Variants in ACACA observed in about 807,000 individuals in gnomAD.
ACACA encodes acetyl-CoA carboxylase 1.
A neutral mutation model predicts 296.1 loss-of-function variants in ACACA; 103 were observed. The ratio of observed to expected loss-of-function variants is 0.35; its 90% CI spans 0.30 to 0.41. The LOEUF (loss-of-function observed/expected upper bound fraction) is 0.41, where lower values mean the gene tolerates loss of function less well. Ranked by LOEUF, ACACA falls within the 10% of genes least tolerant of loss-of-function variation. ACACA has a pLI of 1.00. For missense variants in ACACA, 1,554 were observed against 2,989.7 expected (o/e 0.52, Z 11.20); for synonymous variants, 953 against 1,038.6 (o/e 0.92, Z 1.58).
chr17:37,187,586 T>C (rs1363906637), intron 39 of ACACA, among the ~76,000 whole-genome samples: 1 of 152,226 alleles, frequency 6.6e-6, no homozygotes, highest in African/African-American at 2.4e-5. Context: ...TAAAAGGGAA[T>C]TCTCTGTTTC....
chr17:37,393,462 C>A (rs2050965587), intron 1 of ACACA, among the ~76,000 whole-genome samples: 1 of 152,104 alleles, frequency 6.6e-6, no homozygotes, highest in Non-Finnish European at 1.5e-5. Context: ...CCTCACCCAC[C>A]ACTGAATGTC....
At chr17:37,281,802 G>A (rs2082548876) in intron 5 of ACACA, among the ~76,000 whole-genome samples, 1 of 152,198 alleles carries the variant, frequency 6.6e-6, no homozygotes, top group African/African-American at 2.4e-5. Flanking sequence ...GGAGGCGGAG[G>A]TTGCAGTGAG....
intron 10 of ACACA, among the ~76,000 whole-genome samples, chr17:37,270,308 GTCAA>G (rs907663575): frequency 1.1e-4 from 17 of 152,200 alleles, no homozygotes; most frequent in African/African-American, 2.9e-4. Flanking sequence ...GTGAGAAAAA[GTCAA>G]TCAGAGAGCC....
At chr17:37,213,670 C>T (rs1290863661) in intron 29 of ACACA, among the ~76,000 whole-genome samples, 1 of 152,278 alleles carries the variant, frequency 6.6e-6, no homozygotes, top group East Asian at 1.9e-4. Context: ...TAGCATTCCA[C>T]ATCAGTATAG....
chr17:37,391,051 C>T (rs2050861831), intron 1 of ACACA, among the ~76,000 whole-genome samples: 1 of 151,854 alleles, frequency 6.6e-6, no homozygotes, highest in Non-Finnish European at 1.5e-5. Context: ...CCAGCCTGAC[C>T]AACAAGGTGA....
chr17:37,209,399 A>G (rs1357426994), intron 30 of ACACA, among the ~76,000 whole-genome samples: 1 of 152,228 alleles, frequency 6.6e-6, no homozygotes, highest in African/African-American at 2.4e-5. Context: ...CTCCCTCTGA[A>G]GAAGTTAACA....
At chr17:37,151,246 T>C in intron 44 of ACACA, 55 bp downstream of exon 44, 5 of 1,609,750 alleles carry the variant, frequency 3.1e-6, no homozygotes, top group Non-Finnish European at 4.2e-6. Context: ...GAGAAAAAAA[T>C]AAACCTAGCC....
At chr17:37,259,015 A>G (rs1598335588) in intron 12 of ACACA, among the ~76,000 whole-genome samples, 1 of 152,262 alleles carries the variant, frequency 6.6e-6, no homozygotes, top group Non-Finnish European at 1.5e-5. Flanking sequence ...ATTTCAATAA[A>G]GAACACTAGT....
chr17:37,292,586 T>A lies in ACACA; in HGVS notation c.339-7616A>T, dbSNP rs143960677. 3.3e-4 allele frequency among the ~76,000 whole-genome samples: 50 copies of A among 152,330 alleles called. 1 individual carries two copies. In the East Asian group the frequency reaches 7.1e-3, roughly 22 times the overall value. On this transcript the variant is annotated intron_variant, in intron 3 of 55. Coordinates refer to ENST00000616317, the MANE Select transcript of ACACA (RefSeq NM_198834.3). ...AGAGTTTAAGAAAGGCCAGGTGCGG[T>A]GGCTCACATCTGTAATCCCAGCACT...
intron 41 of ACACA, among the ~76,000 whole-genome samples, chr17:37,165,819 G>A (rs368762679): frequency 6.6e-6 from 1 of 151,982 alleles, no homozygotes; most frequent in African/African-American, 2.4e-5. Context: ...GGGACTACAG[G>A]CATGTGCCAC....
At chr17:37,152,370 G>T in intron 43 of ACACA, among the ~76,000 whole-genome samples, 1 of 152,282 alleles carries the variant, frequency 6.6e-6, no homozygotes, top group East Asian at 1.9e-4. Context: ...ACAATTTTAC[G>T]TAGGAAGAGA....
At chr17:37,249,032 C>T (rs80073179) in intron 16 of ACACA, among the ~76,000 whole-genome samples, 1,734 of 152,272 alleles carry the variant, frequency 0.011, 39 homozygotes, top group African/African-American at 0.038. Flanking sequence ...CCCCCCAGTT[C>T]CTGGTAACCG....
At chr17:37,348,118 C>T (rs890232177) in intron 1 of ACACA, among the ~76,000 whole-genome samples, 3 of 151,122 alleles carry the variant, frequency 2.0e-5, no homozygotes, top group Admixed American at 2.0e-4. Flanking sequence ...GGTTGCAGTA[C>T]CCAACCTGGG....
At chr17:37,259,880 A>ATT (rs1328076559) in intron 11 of ACACA, among the ~76,000 whole-genome samples, 13 of 137,830 alleles carry the variant, frequency 9.4e-5, no homozygotes, top group African/African-American at 1.3e-4. Context: ...TAGAGACTAG[A>ATT]TTTTTTTTTT....
At chr17:37,273,063 C>A (rs917250746) in intron 9 of ACACA, among the ~76,000 whole-genome samples, 1 of 152,246 alleles carries the variant, frequency 6.6e-6, no homozygotes, top group African/African-American at 2.4e-5. Flanking sequence ...AGCTTCTACT[C>A]TTTTGCAAAT....
chr17:37,276,164 C>T, intron 7 of ACACA, 115 bp from the exon 8 acceptor site: 1 of 772,474 alleles, frequency 1.3e-6, no homozygotes, highest in East Asian at 2.5e-5. Flanking sequence ...CCCCCCACCC[C>T]TCACATATCA....
At chr17:37,379,520 G>A (rs1158642279) in intron 1 of ACACA, 1 of 1,253,972 alleles carries the variant, frequency 8.0e-7, no homozygotes, top group Non-Finnish European at 1.1e-6. Flanking sequence ...TTTTTTTCTT[G>A]TAAATTTGTT....
At chr17:37,389,443 T>A in intron 1 of ACACA, 1 of 1,499,744 alleles carries the variant, frequency 6.7e-7, no homozygotes, top group African/African-American at 1.4e-5. Context: ...ACACCTCTAT[T>A]CCCAGCACTT....
rs1252103558 is a variant in ACACA, at chr17:37,174,005, TATATATATATATATA to T, written c.5079+5240_5079+5254del. On this transcript the variant is annotated intron_variant, in intron 41 of 55. Coordinates refer to ENST00000616317, the MANE Select transcript of ACACA (RefSeq NM_198834.3). ...ATTTATATATATATATATATATATA[TATATATATATATATA>T]TTTTTTTTTTTTTTTTTTTTTGTAG... 3.8e-3 allele frequency among the ~76,000 whole-genome samples: 55 copies of T among 14,472 alleles called. 5 individuals are homozygous for T. The highest frequency in any genetic ancestry group is 0.013 in the Middle Eastern group (1 of 76). 9.5% of individuals were successfully genotyped at this position (14,472 alleles called of 152,430 possible). A position where few individuals can be genotyped will look rare whatever the true frequency, so the allele number is the denominator to read the frequency against.
Sources: allele counts gnomAD v4.1 joint callset (sites outside exome capture counted in the v4.1 genomes callset), GRCh38; gene constraint gnomAD v4.1.1; transcripts MANE v1.5; gene names NCBI Gene and HGNC (gene_info 2026-07-23, HGNC 2026-07-21).